Variants in SNX13 observed in about 807,000 individuals in gnomAD.
SNX13 encodes sorting nexin-13.
SNX13 carries 45 observed loss-of-function variants against 133.6 expected under a neutral mutation model. The observed-to-expected ratio is 0.34, with a 90% CI of 0.27 to 0.43. The LOEUF (loss-of-function observed/expected upper bound fraction) is 0.43. SNX13 is among the 20% of genes least tolerant of loss of function. The pLI, the probability that SNX13 is intolerant of heterozygous loss-of-function variation, is 1.00. For missense variants in SNX13, 1,032 were observed against 1,145.1 expected (o/e 0.90, Z 1.43); for synonymous variants, 414 against 373.9 (o/e 1.11, Z -1.24).
chr7:17,908,668 G>A (rs542881999), intron 1 of SNX13, among the ~76,000 whole-genome samples: 1 of 152,264 alleles, frequency 6.6e-6, no homozygotes, highest in East Asian at 1.9e-4. Context: ...ATTTACTGAA[G>A]TCTATCATGT....
At chr7:17,892,221 T>C (rs1327181338) in intron 3 of SNX13, among the ~76,000 whole-genome samples, 2 of 152,036 alleles carry the variant, frequency 1.3e-5, no homozygotes. Flanking sequence ...ATATTAAAAA[T>C]ACATGCTTCA....
chr7:17,795,208 C>T (rs1013238979), intron 25 of SNX13: 3 of 151,446 alleles, frequency 2.0e-5, no homozygotes, highest in African/African-American at 7.3e-5. Flanking sequence ...ATAAATAACA[C>T]CAAGTTATGA....
At position 17,873,591 on chromosome 7, in the gene SNX13, G is replaced by C. The variant is rs367952835; in HGVS notation, c.690C>G (p.Val230=). The C allele has an allele frequency of 6.4e-6, 10 of 1,574,172 alleles. No individual in the cohort carries two copies. The African/African-American group carries it at 1.2e-4, about 19-fold the overall frequency. ...EEGFLRDLCE[V]LLYLLLPPGD... ...CAGGAGGTAGCAATAAATATAGTAA[G>C]ACCTCACACAAATCCCTTAGGAATC... The change falls in exon 8 of 26, where the codon GTC becomes GTG. Residue 230 remains valine (V), a synonymous_variant. Transcript: ENST00000428135.
rs982409169 is a variant in SNX13 at position 17,875,678 on chromosome 7, G to C, written c.553C>G (p.Gln185Glu). 4.4e-6 allele frequency: 7 copies of C among 1,608,850 alleles called. No individual in the cohort carries two copies. The African/African-American group carries it at 5.4e-5, about 12-fold the overall frequency. ...GGAATAAAGATATTACCTTTCACTT[G>C]ATCATCTTTCTCTGTTATTTTCTGT... The part of the protein sequence containing the change: ...AQQKITEKDD[Q>E]VKGTAEDLVD... The change falls in exon 6 of 26, where the codon CAA becomes GAA. Residue 185 changes from glutamine (Q) to glutamate (E), a missense_variant. Transcript: ENST00000428135.
chr7:17,842,493 T>C (rs1341075859), intron 12 of SNX13, among the ~76,000 whole-genome samples: 1 of 152,012 alleles, frequency 6.6e-6, no homozygotes, highest in Non-Finnish European at 1.5e-5. Context: ...AGATAGTAAC[T>C]TAGTACTTTG....
intron 1 of SNX13, among the ~76,000 whole-genome samples, chr7:17,923,401 G>C (rs920737370): frequency 3.2e-4 from 49 of 152,280 alleles, no homozygotes; most frequent in African/African-American, 1.2e-3. Context: ...ATGAGAAAAG[G>C]TGTAACATTA....
At chr7:17,812,572 T>C (rs1786175060) in intron 20 of SNX13, among the ~76,000 whole-genome samples, 1 of 152,186 alleles carries the variant, frequency 6.6e-6, no homozygotes, top group Non-Finnish European at 1.5e-5. Flanking sequence ...TCAACCACTG[T>C]GGAAGACAGT....
intron 11 of SNX13, among the ~76,000 whole-genome samples, chr7:17,847,914 T>A (rs1363443721): frequency 6.6e-6 from 1 of 152,164 alleles, no homozygotes; most frequent in Non-Finnish European, 1.5e-5. Context: ...AACATTTGGC[T>A]TCTGAGATAT....
intron 18 of SNX13, among the ~76,000 whole-genome samples, chr7:17,820,535 C>T (rs191474597): frequency 4.5e-4 from 68 of 152,140 alleles, no homozygotes; most frequent in East Asian, 5.8e-4. Flanking sequence ...ACAAAATAGT[C>T]CTTTTAATAT....
At chr7:17,906,011 G>C (rs1252475213) in intron 1 of SNX13, among the ~76,000 whole-genome samples, 1 of 151,316 alleles carries the variant, frequency 6.6e-6, no homozygotes, top group Admixed American at 6.6e-5. Context: ...ATTTATAAAT[G>C]ATAATAAAGA....
At chr7:17,925,655 T>C (rs1418318698) in intron 1 of SNX13, among the ~76,000 whole-genome samples, 3 of 152,164 alleles carry the variant, frequency 2.0e-5, no homozygotes, top group Non-Finnish European at 4.4e-5. Flanking sequence ...CTTGGCAATG[T>C]ATGGAGAAAG....
chr7:17,940,067 C>A (rs1305758130), intron 1 of SNX13, among the ~76,000 whole-genome samples: 1 of 152,034 alleles, frequency 6.6e-6, no homozygotes, highest in Non-Finnish European at 1.5e-5. Context: ...GTGGCAACTG[C>A]GAAAGGCGAG....
At chr7:17,854,498 G>C (rs754436677) in intron 9 of SNX13, among the ~76,000 whole-genome samples, 2 of 152,038 alleles carry the variant, frequency 1.3e-5, no homozygotes, top group African/African-American at 4.8e-5. Flanking sequence ...TTCTAGCAAC[G>C]CTGTGTCCAG....
intron 20 of SNX13, among the ~76,000 whole-genome samples, chr7:17,813,133 A>G (rs1325266405): frequency 3.3e-5 from 5 of 152,104 alleles, no homozygotes; most frequent in South Asian, 2.1e-4. Flanking sequence ...AAATGAAAAA[A>G]AAGTGTTGTA....
Position 17,808,604 on chromosome 7 carries a change from A to C in SNX13, c.2065-5024T>G, listed in dbSNP as rs1785604064. ...CATTCAAATTCAGGAAATACAGAGA[A>C]CACCACAAAGATACTCCTCAAGGAG... On this transcript the variant is annotated intron_variant, in intron 20 of 25. Coordinates refer to ENST00000428135, the MANE Select transcript of SNX13 (RefSeq NM_015132.5). 3.3e-5 allele frequency among the ~76,000 whole-genome samples: 5 copies of C among 152,182 alleles called. No homozygotes were observed. In the South Asian group the frequency reaches 8.3e-4, roughly 25 times the overall value.
intron 9 of SNX13, among the ~76,000 whole-genome samples, chr7:17,852,606 T>TA (rs1583481000): frequency 2.6e-5 from 4 of 151,978 alleles, no homozygotes; most frequent in South Asian, 2.1e-4. Context: ...AGTTTTGCTG[T>TA]AAAAAAAATA....
intron 1 of SNX13, among the ~76,000 whole-genome samples, chr7:17,914,439 G>C (rs943936915): frequency 6.6e-6 from 1 of 152,050 alleles, no homozygotes; most frequent in Admixed American, 6.6e-5. Context: ...ATAGTAATCA[G>C]ACCATCCAAA....
At chr7:17,865,939 G>A (rs550874223) in intron 9 of SNX13, among the ~76,000 whole-genome samples, 13 of 152,224 alleles carry the variant, frequency 8.5e-5, no homozygotes, top group East Asian at 1.9e-4. Flanking sequence ...ATATCGATAC[G>A]CAGAGGAATG....
At chr7:17,872,824 T>C (rs73308190) in intron 8 of SNX13, among the ~76,000 whole-genome samples, 3,814 of 152,300 alleles carry the variant, frequency 0.025, 152 homozygotes, top group African/African-American at 0.087. Flanking sequence ...GGACATGTTC[T>C]TGTGTAGCTA....
Sources: allele counts gnomAD v4.1 joint callset (sites outside exome capture counted in the v4.1 genomes callset), GRCh38; gene constraint gnomAD v4.1.1; transcripts MANE v1.5; gene names NCBI Gene and HGNC (gene_info 2026-07-23, HGNC 2026-07-21).